Variants in RYR2 observed in about 807,000 individuals in gnomAD.
The protein encoded by RYR2 is cardiac muscle ryanodine receptor-calcium release channel.
RYR2 carries 227 observed loss-of-function variants against 601.1 expected under a neutral mutation model. The observed-to-expected ratio is 0.38, with a 90% CI of 0.34 to 0.42. RYR2 has a LOEUF of 0.42. Among genes scored for constraint, RYR2 ranks in the 10% least tolerant of loss-of-function variants. The pLI is 1.00. For missense variants in RYR2, 4,646 were observed against 6,156.5 expected (o/e 0.75, Z 8.21); for synonymous variants, 2,223 against 2,175.1 (o/e 1.02, Z -0.61).
rs1419127366 is a variant in RYR2 at position 237,065,287 on chromosome 1, TTTTTTTTTTC to T, written c.48+22719_48+22728del. 3.8e-3 allele frequency among the ~76,000 whole-genome samples: 226 copies of T among 59,852 alleles called. 23 individuals carry two copies. Among genetic ancestry groups the T allele is most frequent in the Middle Eastern group, 8.2e-3 (1 of 122 alleles). The allele number at this position is 59,852 out of a possible 152,430, so 39.3% of individuals were successfully genotyped here. ...TGCTATCCTTTTTTTTTTTTTTTTT[TTTTTTTTTTC>T]GAGAGGGAGTCTTGCATTGTCGCCC... On this transcript the variant is annotated intron_variant, in intron 1 of 104. Transcript: ENST00000366574.
intron 28 of RYR2, 35 bp from the exon 29 acceptor site, chr1:237,569,110 G>C (rs541076280): frequency 1.8e-5 from 28 of 1,585,964 alleles, no homozygotes; most frequent in Non-Finnish European, 2.3e-5. Flanking sequence ...TCCTGGCTTA[G>C]TCTGTGACAA....
chr1:237,091,574 G>T (rs560932694), intron 1 of RYR2, among the ~76,000 whole-genome samples: 37 of 152,114 alleles, frequency 2.4e-4, no homozygotes, highest in African/African-American at 8.9e-4. Context: ...ACAGGTGTGC[G>T]GTGCCACACC....
chr1:237,042,703 A>T, intron 1 of RYR2, 134 bp downstream of exon 1: 1 of 848,726 alleles, frequency 1.2e-6, no homozygotes, highest in Non-Finnish European at 1.6e-6. Context: ...AGGATGCGGG[A>T]GGAGCGGGCA....
intron 17 of RYR2, among the ~76,000 whole-genome samples, chr1:237,470,721 C>G (rs564539993): frequency 6.6e-6 from 1 of 152,096 alleles, no homozygotes; most frequent in East Asian, 1.9e-4. Context: ...GGGGTAAATA[C>G]CTGAGATTCA....
intron 6 of RYR2, among the ~76,000 whole-genome samples, chr1:237,373,251 G>C (rs1376537878): frequency 1.3e-5 from 2 of 152,332 alleles, no homozygotes; most frequent in East Asian, 3.9e-4. Context: ...TAGGGACCCT[G>C]GGAGCCTCTT....
At chr1:237,461,410 C>T (rs1659464721) in intron 16 of RYR2, among the ~76,000 whole-genome samples, 1 of 152,098 alleles carries the variant, frequency 6.6e-6, no homozygotes, top group Non-Finnish European at 1.5e-5. Flanking sequence ...TGTTTACACC[C>T]CTCTTTTAAG....
Position 237,830,524 on chromosome 1 carries a change from T to C in RYR2, c.14656-6T>C, listed in dbSNP as rs2102946547. 6.3e-7 allele frequency: 1 copy of C among 1,577,428 alleles called. No individual in the cohort carries two copies. Among genetic ancestry groups the C allele is most frequent in the Non-Finnish European group, 8.7e-7 (1 of 1,146,558 alleles). On this transcript the variant is annotated splice_region_variant and splice_polypyrimidine_tract_variant and intron_variant, in intron 102 of 104. Coordinates refer to ENST00000366574, the MANE Select transcript of RYR2 (RefSeq NM_001035.3). ...TCTGACGTTAATATTTCCCTTTGTT[T>C]TCTAGACCAAATGCTTCATCTGTGG...
At chr1:237,470,142 GTAAT>G (rs1328903479) in intron 17 of RYR2, among the ~76,000 whole-genome samples, 1 of 152,174 alleles carries the variant, frequency 6.6e-6, no homozygotes, top group East Asian at 1.9e-4. Context: ...TCCTTCATTA[GTAAT>G]GAACTTCTTG....
At chr1:237,387,490 A>C (rs1209477227) in intron 9 of RYR2, 110 bp downstream of exon 9, 1 of 946,308 alleles carries the variant, frequency 1.1e-6, no homozygotes, top group African/African-American at 1.6e-5. Flanking sequence ...GTCTGTGTCT[A>C]AATATTCTGT....
intron 3 of RYR2, among the ~76,000 whole-genome samples, chr1:237,337,931 A>G (rs897699751): frequency 2.6e-5 from 4 of 152,150 alleles, no homozygotes; most frequent in South Asian, 2.1e-4. Flanking sequence ...TCTAAAATCA[A>G]TCTCCATTGG....
chr1:237,477,047 C>T (rs1349581123), intron 17 of RYR2, among the ~76,000 whole-genome samples: 6 of 152,122 alleles, frequency 3.9e-5, no homozygotes, highest in Admixed American at 1.3e-4. Flanking sequence ...AGTCTTGTCT[C>T]GTAAAACCCA....
At position 237,644,315 on chromosome 1, in the gene RYR2, C is replaced by G. The variant is rs191166661; in HGVS notation, c.7342+868C>G. Among the ~76,000 whole-genome samples, 219 of 152,266 alleles carry G rather than the reference C, an allele frequency of 1.4e-3. 2 individuals are homozygous for G. Among genetic ancestry groups the G allele is most frequent in the Non-Finnish European group, 1.9e-3 (132 of 68,030 alleles). ...TGGCGCGATCTTGGCTCACTGCAAT[C>G]TCTGCCTCACAGGTTCAAGCAATCC... On this transcript the variant is annotated intron_variant, in intron 48 of 104. Transcript: ENST00000366574.
rs1319151598 is a variant in RYR2 at position 237,833,133 on chromosome 1, CTA to C, written c.*488_*489del. On this transcript the variant is annotated 3_prime_UTR_variant, in exon 105 of 105. Coordinates refer to ENST00000366574, the MANE Select transcript of RYR2 (RefSeq NM_001035.3). ...AGTGCCTTACTATATGTGGGTTGAG[CTA>C]TGCAGAAGATACGTGCATGAAAAAA... 1 of 152,524 alleles carries C rather than the reference CTA, an allele frequency of 6.6e-6. No individual in the cohort carries two copies. Among genetic ancestry groups the C allele is most frequent in the Non-Finnish European group, 1.5e-5 (1 of 68,110 alleles). 9.4% of individuals were successfully genotyped at this position (152,524 alleles called of 1,614,324 possible). A position where few individuals can be genotyped will look rare whatever the true frequency, so the allele number is the denominator to read the frequency against.
rs548402910 is a variant in RYR2 at position 237,777,903 on chromosome 1, A to G, written c.11776-763A>G. 5.3e-5 allele frequency among the ~76,000 whole-genome samples: 8 copies of G among 152,324 alleles called. No homozygotes were observed. The East Asian group carries it at 9.7e-4, about 18-fold the overall frequency. ...CAAGAAATTTGATTGGTAAAAGTGC[A>G]AAGTCCCTAGTTAGAGGTTAGTTGG... is the stretch of plus-strand genomic sequence containing the variant. On this transcript the variant is annotated intron_variant, in intron 87 of 104. Coordinates refer to ENST00000366574, the MANE Select transcript of RYR2 (RefSeq NM_001035.3).
At chr1:237,736,156 TG>T (rs1691121860) in intron 79 of RYR2, among the ~76,000 whole-genome samples, 1 of 151,406 alleles carries the variant, frequency 6.6e-6, no homozygotes, top group African/African-American at 2.4e-5. Context: ...TAATAAACAC[TG>T]GGTTAAAAGA....
intron 71 of RYR2, among the ~76,000 whole-genome samples, chr1:237,715,964 T>G (rs1689232925): frequency 6.6e-6 from 1 of 152,194 alleles, no homozygotes; most frequent in South Asian, 2.1e-4. Context: ...ATCATATTTT[T>G]TCTAATAAAC....
intron 36 of RYR2, among the ~76,000 whole-genome samples, chr1:237,612,166 G>A (rs917467484): frequency 9.9e-5 from 15 of 152,202 alleles, no homozygotes; most frequent in Non-Finnish European, 8.8e-5. Context: ...AACCAGTCAC[G>A]GAAGTATATT....
At chr1:237,066,221 C>G (rs1163600031) in intron 1 of RYR2, among the ~76,000 whole-genome samples, 1 of 152,190 alleles carries the variant, frequency 6.6e-6, no homozygotes, top group Non-Finnish European at 1.5e-5. Context: ...TTTCTCATGT[C>G]TGTTTACATT....
chr1:237,499,262 T>C (rs1436095793), intron 20 of RYR2, among the ~76,000 whole-genome samples: 1 of 152,182 alleles, frequency 6.6e-6, no homozygotes, highest in Non-Finnish European at 1.5e-5. Flanking sequence ...TTTGCGGTGT[T>C]GCTACACTTC....
Sources: allele counts gnomAD v4.1 joint callset (sites outside exome capture counted in the v4.1 genomes callset), GRCh38; gene constraint gnomAD v4.1.1; transcripts MANE v1.5; gene names NCBI Gene and HGNC (gene_info 2026-07-23, HGNC 2026-07-21).